The following CNTN4 variants were observed in gnomAD, a reference collection of about 807,000 sequenced individuals.
CNTN4 encodes the protein contactin 4.
A neutral mutation model predicts 122.5 loss-of-function variants in CNTN4; 77 were observed. The observed-to-expected ratio is 0.63, with a 90% confidence interval of 0.52 to 0.76. CNTN4 has a LOEUF of 0.76. Among genes scored for constraint, CNTN4 ranks in the 30% least tolerant of loss-of-function variants. The probability of loss-of-function intolerance (pLI) is 0.00; values close to 1 mark genes in which losing one functional copy is unlikely to be tolerated. For synonymous variants in CNTN4, 512 were observed against 447.0 expected (o/e 1.15, Z -1.83); for missense variants, 1,256 against 1,259.1 (o/e 1.00, Z 0.04).
chr3:2,786,452 G>A (rs1169001375), intron 6 of CNTN4, among the ~76,000 whole-genome samples: 8 of 152,120 alleles, frequency 5.3e-5, no homozygotes, highest in South Asian at 2.1e-4. Flanking sequence ...GCTTACCTGC[G>A]TGCTCCCTCA....
chr3:2,621,014 C>A (rs2081968534), intron 4 of CNTN4, among the ~76,000 whole-genome samples: 1 of 152,134 alleles, frequency 6.6e-6, no homozygotes, highest in Non-Finnish European at 1.5e-5. Flanking sequence ...TTTTAACTCA[C>A]CAAATCTTAA....
chr3:2,103,128 C>G (rs1227883926), intron 2 of CNTN4, among the ~76,000 whole-genome samples: 2 of 151,430 alleles, frequency 1.3e-5, no homozygotes, highest in Non-Finnish European at 2.9e-5. Flanking sequence ...TAGTAAGTAG[C>G]AGAGCTGGGA....
At chr3:2,812,327 T>G (rs565103982) in intron 6 of CNTN4, among the ~76,000 whole-genome samples, 2 of 152,328 alleles carry the variant, frequency 1.3e-5, no homozygotes, top group East Asian at 3.9e-4. Flanking sequence ...AACAATATTT[T>G]TAAGTAACAC....
chr3:2,452,941 C>T (rs2048881761), intron 3 of CNTN4, among the ~76,000 whole-genome samples: 1 of 151,886 alleles, frequency 6.6e-6, no homozygotes, highest in South Asian at 2.1e-4. Flanking sequence ...TAATACTGGC[C>T]TTCATTATTG....
chr3:2,736,105 A>T, intron 4 of CNTN4, 110 bp from the exon 5 acceptor site: 2 of 1,104,592 alleles, frequency 1.8e-6, no homozygotes, highest in Non-Finnish European at 2.8e-6. Context: ...GTTGTGCCTT[A>T]CTATTTTTTG....
intron 4 of CNTN4, among the ~76,000 whole-genome samples, chr3:2,655,419 T>C (rs1481757330): frequency 2.0e-5 from 3 of 152,164 alleles, no homozygotes; most frequent in South Asian, 2.1e-4. Flanking sequence ...CAGAATGAGA[T>C]TGATAGTGAA....
chr3:2,542,284 A>G (rs1410384452), intron 3 of CNTN4, among the ~76,000 whole-genome samples: 1 of 152,132 alleles, frequency 6.6e-6, no homozygotes, highest in Non-Finnish European at 1.5e-5. Context: ...GAAGCCTGCA[A>G]TTACATTTTG....
intron 3 of CNTN4, among the ~76,000 whole-genome samples, chr3:2,486,992 T>A (rs1381119363): frequency 6.6e-6 from 1 of 152,194 alleles, no homozygotes; most frequent in African/African-American, 2.4e-5. Context: ...TTTATATAAA[T>A]CACATAGAAA....
At chr3:2,766,345 A>T (rs2090858417) in intron 6 of CNTN4, among the ~76,000 whole-genome samples, 1 of 152,218 alleles carries the variant, frequency 6.6e-6, no homozygotes, top group Non-Finnish European at 1.5e-5. Context: ...GCTAGTCCAA[A>T]TGACCATCAG....
chr3:3,045,307 A>G (rs559695306), intron 23 of CNTN4, among the ~76,000 whole-genome samples: 1 of 152,294 alleles, frequency 6.6e-6, no homozygotes, highest in South Asian at 2.1e-4. Context: ...GGAGTTTGAG[A>G]TCTGAGAATG....
rs564578150 is a variant in CNTN4, at chr3:2,125,760, G to T, written c.-145+25121G>T. Reference sequence around the variant, plus strand: ...TTTTAGTAGAGACGGGTTTTACCGTGTTAAGCAGGATGGTCTCGATCTCCT... The same window carrying T: ...TTTTAGTAGAGACGGGTTTTACCGTTTTAAGCAGGATGGTCTCGATCTCCT... On this transcript the variant is annotated intron_variant, in intron 2 of 24. Coordinates refer to ENST00000418658, the MANE Select transcript of CNTN4 (RefSeq NM_175607.3). Among the ~76,000 whole-genome samples the T allele has an allele frequency of 2.6e-5, 4 of 151,766 alleles. No individual in the cohort carries two copies. In the South Asian group the frequency reaches 8.3e-4, roughly 32 times the overall value.
At chr3:2,425,617 G>C (rs2047796718) in intron 3 of CNTN4, among the ~76,000 whole-genome samples, 1 of 152,168 alleles carries the variant, frequency 6.6e-6, no homozygotes, top group Non-Finnish European at 1.5e-5. Flanking sequence ...GAAAGTCATT[G>C]GTAGCTTGAT....
chr3:2,437,091 C>T (rs2151250930), intron 3 of CNTN4, among the ~76,000 whole-genome samples: 1 of 151,984 alleles, frequency 6.6e-6, no homozygotes, highest in Middle Eastern at 3.4e-3. Flanking sequence ...TTAAGTGTTT[C>T]TTCATCTTGA....
chr3:2,186,104 C>T (rs1291449789), intron 2 of CNTN4, among the ~76,000 whole-genome samples: 48 of 150,732 alleles, frequency 3.2e-4, no homozygotes, highest in African/African-American at 1.2e-3. Context: ...CAACAGGCCC[C>T]AGTGTGTGAC....
At chr3:2,616,238 A>G (rs1441117871) in intron 4 of CNTN4, among the ~76,000 whole-genome samples, 1 of 151,650 alleles carries the variant, frequency 6.6e-6, no homozygotes, top group African/African-American at 2.4e-5. Flanking sequence ...GAGTGAGAAC[A>G]TGCGGTATTT....
At chr3:2,165,120 C>T (rs769817658) in intron 2 of CNTN4, among the ~76,000 whole-genome samples, 1 of 151,914 alleles carries the variant, frequency 6.6e-6, no homozygotes, top group Non-Finnish European at 1.5e-5. Context: ...GTCAGGAGGT[C>T]GAGACCAGCC....
rs534782954 is a variant in CNTN4, at chr3:2,552,919, A to G, written c.-88-18497A>G. ...GCATGGCGAAGTGTGTTGAGTAGGC[A>G]CCCGGAGACTAGAGTTTCTGTTAGT... On this transcript the variant is annotated intron_variant, in intron 3 of 24. Transcript: ENST00000418658. Among the ~76,000 whole-genome samples, 14 of 152,238 alleles carry G rather than the reference A, an allele frequency of 9.2e-5. No individual in the cohort carries two copies. The East Asian group carries it at 2.3e-3, about 25-fold the overall frequency.
intron 3 of CNTN4, among the ~76,000 whole-genome samples, chr3:2,498,674 G>T (rs1433228187): frequency 6.6e-6 from 1 of 151,924 alleles, no homozygotes; most frequent in East Asian, 1.9e-4. Flanking sequence ...TAGACACGGG[G>T]TCTTACCATG....
chr3:2,316,879 T>G (rs571175352), intron 2 of CNTN4, among the ~76,000 whole-genome samples: 14 of 152,268 alleles, frequency 9.2e-5, no homozygotes, highest in African/African-American at 3.4e-4. Flanking sequence ...ATGCAAACCT[T>G]TTTAATAAGT....
Sources: gnomAD v4.1 joint callset for allele counts (sites outside exome capture counted in the v4.1 genomes callset) on GRCh38, gnomAD v4.1.1 for gene constraint, MANE v1.5 for transcripts, NCBI Gene and HGNC (gene_info 2026-07-23, HGNC 2026-07-21) for gene names.